The following C12orf42 variants were observed in gnomAD, a reference collection of about 807,000 sequenced individuals.
C12orf42 encodes the protein chromosome 12 open reading frame 42.
Under a neutral mutation model 21.6 loss-of-function variants are expected in C12orf42, and 25 were observed. The observed-to-expected ratio is 1.16, with a 90% CI of 0.84 to 1.62. The LOEUF (loss-of-function observed/expected upper bound fraction) is 1.62, where lower values mean the gene tolerates loss of function less well. Ranked by LOEUF, C12orf42 falls within the 40% of genes most tolerant of loss-of-function variation. The pLI, the probability that C12orf42 is intolerant of heterozygous loss-of-function variation, is 0.00. For synonymous variants in C12orf42, 174 were observed against 175.0 expected, an observed-to-expected ratio of 0.99 and a Z score of 0.05; for missense variants, 483 against 459.3, an observed-to-expected ratio of 1.05 and a Z score of -0.47.
the C12orf42 span, among the ~76,000 whole-genome samples, chr12:103,119,426 A>C: frequency 6.6e-6 from 1 of 152,172 alleles, no homozygotes; most frequent in African/African-American, 2.4e-5. Flanking sequence ...GTTGGAGCAC[A>C]TCCACTAATA....
rs34089564 is a variant in C12orf42, at chr12:103,239,523, G to A, written c.*1367-1621C>T. ...GGCTTACCATTCTAAGAGTCAACCC[G>A]CTCCTTCAGCTATATTACTAGCTAG... On this transcript the variant is annotated intron_variant and NMD_transcript_variant, in intron 10 of 10. Transcript: ENST00000547347. Among the ~76,000 whole-genome samples the A allele has an allele frequency of 3.9e-3, 595 of 152,118 alleles. 3 individuals are homozygous for A. Among genetic ancestry groups the A allele is most frequent in the Non-Finnish European group, 6.2e-3 (425 of 68,018 alleles).
the C12orf42 span, among the ~76,000 whole-genome samples, chr12:103,216,540 AT>A: frequency 2.1e-4 from 32 of 150,548 alleles, no homozygotes; most frequent in African/African-American, 7.1e-4. Context: ...CGCCTGGCTA[AT>A]TTTTTTTTGT....
chr12:103,538,186 A>G, the C12orf42 span, among the ~76,000 whole-genome samples: 1 of 143,728 alleles, frequency 7.0e-6, no homozygotes, highest in African/African-American at 2.5e-5. Flanking sequence ...TGAGAAAGTG[A>G]AAATGGATGT....
downstream of C12orf42, chr12:103,268,498 T>TC (rs200347965): frequency 4.0e-4 from 43 of 108,204 alleles, no homozygotes; most frequent in East Asian, 0.015. Flanking sequence ...TAATTTTTCA[T>TC]TAAAAAAAAA....
chr12:103,505,062 C>T, the C12orf42 span: 3 of 326,218 alleles, frequency 9.2e-6, no homozygotes, highest in Non-Finnish European at 2.0e-5. Context: ...GTGAGAGACA[C>T]TGATTTTTAA....
the C12orf42 span, among the ~76,000 whole-genome samples, chr12:103,089,016 G>T: frequency 1.8e-3 from 266 of 149,980 alleles, 1 homozygote; most frequent in African/African-American, 6.0e-3. Context: ...GCAGGAGAAA[G>T]GCGTGAACCC....
intron 4 of C12orf42, among the ~76,000 whole-genome samples, chr12:103,353,343 A>G (rs1429523074): frequency 1.3e-5 from 2 of 151,970 alleles, no homozygotes; most frequent in Non-Finnish European, 2.9e-5. Context: ...GGCACCAGTG[A>G]GAGAAGGCGA....
chr12:103,330,051 T>C (rs2041102998), intron 4 of C12orf42, among the ~76,000 whole-genome samples: 1 of 152,122 alleles, frequency 6.6e-6, no homozygotes, highest in African/African-American at 2.4e-5. Flanking sequence ...CCTTTGCTCA[T>C]TTACTCCTTC....
chr12:103,048,248 G>C, the C12orf42 span, among the ~76,000 whole-genome samples: 1 of 152,102 alleles, frequency 6.6e-6, no homozygotes, highest in African/African-American at 2.4e-5. Flanking sequence ...GTAGGGGGCA[G>C]AGAATAAAAC....
At chr12:103,118,625 C>T in the C12orf42 span, among the ~76,000 whole-genome samples, 20 of 151,814 alleles carry the variant, frequency 1.3e-4, no homozygotes, top group African/African-American at 2.9e-4. Flanking sequence ...GGTGAAACCC[C>T]GTCTCTACTA....
intron 2 of C12orf42, among the ~76,000 whole-genome samples, chr12:103,406,357 A>T (rs2048425690): frequency 6.6e-6 from 1 of 152,210 alleles, no homozygotes; most frequent in African/African-American, 2.4e-5. Context: ...TTGTATGGTC[A>T]AGAAAAGACA....
intron 2 of C12orf42, among the ~76,000 whole-genome samples, chr12:103,463,387 G>A (rs142812977): frequency 1.9e-4 from 29 of 152,298 alleles, no homozygotes; most frequent in African/African-American, 6.5e-4. Flanking sequence ...GGGTAGAATA[G>A]AGTAGACTAG....
the C12orf42 span, among the ~76,000 whole-genome samples, chr12:103,509,729 A>G: frequency 1.3e-5 from 2 of 152,226 alleles, no homozygotes; most frequent in Non-Finnish European, 1.5e-5. Context: ...TTGTTATTAC[A>G]TGCATGGGAA....
the C12orf42 span, among the ~76,000 whole-genome samples, chr12:103,189,587 G>A: frequency 1.3e-5 from 2 of 152,204 alleles, no homozygotes; most frequent in African/African-American, 4.8e-5. Flanking sequence ...GCATAGTGTA[G>A]GCCTGGGGTA....
chr12:103,514,068 C>A, the C12orf42 span, among the ~76,000 whole-genome samples: 1 of 152,108 alleles, frequency 6.6e-6, no homozygotes, highest in African/African-American at 2.4e-5. Context: ...TTAACAATCA[C>A]GGCAGAAAAG....
chr12:103,232,527 G>A, the C12orf42 span, among the ~76,000 whole-genome samples: 1 of 151,884 alleles, frequency 6.6e-6, no homozygotes, highest in African/African-American at 2.4e-5. Context: ...GCTAACACAC[G>A]GTGAAATCCC....
chr12:103,449,633 A>T (rs1032340042), intron 2 of C12orf42, among the ~76,000 whole-genome samples: 1 of 151,866 alleles, frequency 6.6e-6, no homozygotes, highest in Admixed American at 6.6e-5. Flanking sequence ...CTTCCATTCC[A>T]TTGGGCTATT....
At chr12:103,266,924 T>A (rs1390759289), downstream of C12orf42, among the ~76,000 whole-genome samples, 1 of 152,148 alleles carries the variant, frequency 6.6e-6, no homozygotes, top group East Asian at 1.9e-4. Flanking sequence ...TATTTTAACC[T>A]ATGGCAGGCA....
the C12orf42 span, among the ~76,000 whole-genome samples, chr12:103,218,677 TG>T: frequency 2.0e-5 from 3 of 152,182 alleles, no homozygotes; most frequent in Admixed American, 6.5e-5. Context: ...CTCAGGATTT[TG>T]GCTCAAAAGG....
Sources: allele counts gnomAD v4.1 joint callset (sites outside exome capture counted in the v4.1 genomes callset), GRCh38; gene constraint gnomAD v4.1.1; transcripts MANE v1.5; gene names NCBI Gene and HGNC (gene_info 2026-07-23, HGNC 2026-07-21).